The following CCSER1 variants were observed in gnomAD, a reference collection of about 807,000 sequenced individuals.
CCSER1 encodes the protein serine-rich coiled-coil domain-containing protein 1.
CCSER1 carries 41 observed loss-of-function variants against 82.0 expected under a neutral mutation model. The observed-to-expected ratio is 0.50, with a 90% CI of 0.39 to 0.65. The LOEUF is 0.65. CCSER1 is among the 30% of genes least tolerant of loss of function. CCSER1 has a pLI of 0.00. For synonymous variants in CCSER1, 414 were observed against 383.9 expected (o/e 1.08, Z -0.92); for missense variants, 1,119 against 1,064.2 (o/e 1.05, Z -0.72).
chr4:91,259,365 A>G (rs749786661), intron 10 of CCSER1, among the ~76,000 whole-genome samples: 35 of 152,244 alleles, frequency 2.3e-4, no homozygotes, highest in Non-Finnish European at 1.0e-4. Context: ...TCTGACATTC[A>G]TTTTCCTTAT....
rs1158281369 is a variant in CCSER1, at chr4:90,932,994, A to G, written c.2172+9547A>G. Among the ~76,000 whole-genome samples the G allele has an allele frequency of 5.7e-3, 343 of 60,374 alleles. 70 individuals carry two copies. The highest frequency in any genetic ancestry group is 7.4e-3 in the Non-Finnish European group (249 of 33,672). The allele number at this position is 60,374 out of a possible 152,430, so 39.6% of individuals were successfully genotyped here. On this transcript the variant is annotated intron_variant, in intron 9 of 10. Transcript: ENST00000509176. ...AGAAAGAAAGAAAGAGAAAGAAAGA[A>G]AGAAAGAAAGAAAGAAAGAAAGAAA...
intron 1 of CCSER1, among the ~76,000 whole-genome samples, chr4:90,198,846 A>T (rs764670647): frequency 6.6e-6 from 1 of 152,180 alleles, no homozygotes; most frequent in African/African-American, 2.4e-5. Flanking sequence ...TAGGATAGTT[A>T]TGCTAATATA....
intron 10 of CCSER1, among the ~76,000 whole-genome samples, chr4:91,574,186 A>C (rs1171723434): frequency 6.6e-6 from 1 of 152,150 alleles, no homozygotes; most frequent in African/African-American, 2.4e-5. Context: ...TAAGGTACTG[A>C]AGAACTAAAA....
intron 6 of CCSER1, among the ~76,000 whole-genome samples, chr4:90,690,759 T>C (rs1245091085): frequency 6.6e-6 from 1 of 152,202 alleles, no homozygotes; most frequent in African/African-American, 2.4e-5. Flanking sequence ...TGTCTCTCTT[T>C]AAGTTAGTAT....
chr4:90,881,458 C>G (rs1721305866), intron 8 of CCSER1, among the ~76,000 whole-genome samples: 1 of 152,062 alleles, frequency 6.6e-6, no homozygotes, highest in South Asian at 2.1e-4. Flanking sequence ...TATGATTATC[C>G]TCAATTTAAA....
intron 7 of CCSER1, among the ~76,000 whole-genome samples, chr4:90,739,370 C>T (rs1746167334): frequency 6.6e-6 from 1 of 152,176 alleles, no homozygotes; most frequent in Non-Finnish European, 1.5e-5. Flanking sequence ...TACTTTCCCC[C>T]TCCTCTCCTT....
At chr4:91,369,425 C>T (rs1017515272) in intron 10 of CCSER1, among the ~76,000 whole-genome samples, 1 of 152,104 alleles carries the variant, frequency 6.6e-6, no homozygotes, top group Non-Finnish European at 1.5e-5. Context: ...CTCATTTTTG[C>T]AATTTGCAGG....
At chr4:91,553,986 G>A (rs1465011625) in intron 10 of CCSER1, among the ~76,000 whole-genome samples, 2 of 149,884 alleles carry the variant, frequency 1.3e-5, no homozygotes, top group East Asian at 3.9e-4. Flanking sequence ...TTGTTTACTT[G>A]AGATCTTGCT....
intron 9 of CCSER1, among the ~76,000 whole-genome samples, chr4:90,949,824 T>C (rs1407616185): frequency 6.6e-6 from 1 of 152,050 alleles, no homozygotes; most frequent in African/African-American, 2.4e-5. Flanking sequence ...ATATAGAGCA[T>C]TTATATCTCA....
chr4:91,149,478 T>C (rs1178382768), intron 10 of CCSER1, among the ~76,000 whole-genome samples: 1 of 152,234 alleles, frequency 6.6e-6, no homozygotes, highest in African/African-American at 2.4e-5. Context: ...AGCTCTTTAG[T>C]ATAATTAGAT....
At chr4:90,432,128 A>C (rs995421308) in intron 4 of CCSER1, among the ~76,000 whole-genome samples, 3 of 152,166 alleles carry the variant, frequency 2.0e-5, no homozygotes, top group Non-Finnish European at 4.4e-5. Flanking sequence ...AATAAATAAA[A>C]TTTGAGTTAT....
At chr4:91,053,424 T>C (rs1743174989) in intron 9 of CCSER1, among the ~76,000 whole-genome samples, 1 of 152,306 alleles carries the variant, frequency 6.6e-6, no homozygotes, top group African/African-American at 2.4e-5. Flanking sequence ...AATACAGATA[T>C]TCCTTAAACC....
chr4:90,994,132 G>A (rs1425507563), intron 9 of CCSER1, among the ~76,000 whole-genome samples: 3 of 152,086 alleles, frequency 2.0e-5, no homozygotes, highest in Middle Eastern at 3.4e-3. Context: ...CCAGGAGTTC[G>A]AGGCTGTAGT....
intron 6 of CCSER1, among the ~76,000 whole-genome samples, chr4:90,673,337 T>A (rs1477853153): frequency 6.6e-6 from 1 of 151,978 alleles, no homozygotes; most frequent in Non-Finnish European, 1.5e-5. Flanking sequence ...AACTTAAACT[T>A]TTAAGTGTCC....
At chr4:90,554,047 A>T (rs1194099172) in intron 5 of CCSER1, among the ~76,000 whole-genome samples, 1 of 152,172 alleles carries the variant, frequency 6.6e-6, no homozygotes, top group African/African-American at 2.4e-5. Flanking sequence ...AAAAGCAGAA[A>T]ATTGGAGAGA....
At chr4:90,735,768 C>A (rs1745534797) in intron 7 of CCSER1, among the ~76,000 whole-genome samples, 1 of 151,682 alleles carries the variant, frequency 6.6e-6, no homozygotes, top group South Asian at 2.1e-4. Context: ...TTTGATTGTT[C>A]TTTTCTAGTT....
chr4:91,030,503 G>C (rs556956564), intron 9 of CCSER1, among the ~76,000 whole-genome samples: 1 of 152,058 alleles, frequency 6.6e-6, no homozygotes, highest in Non-Finnish European at 1.5e-5. Flanking sequence ...AGCTGATGCC[G>C]GCCTGGAGGA....
chr4:90,482,433 T>C (rs944300989), intron 5 of CCSER1, among the ~76,000 whole-genome samples: 4 of 152,184 alleles, frequency 2.6e-5, no homozygotes, highest in African/African-American at 9.7e-5. Context: ...GTGTTTGCTC[T>C]TGCTTCTCTA....
intron 10 of CCSER1, among the ~76,000 whole-genome samples, chr4:91,558,029 TTTTA>T (rs1161127003): frequency 6.6e-6 from 1 of 151,028 alleles, no homozygotes; most frequent in African/African-American, 2.4e-5. Flanking sequence ...TTCTTAAACA[TTTTA>T]TTTAATGTAT....
Sources: gnomAD v4.1 joint callset for allele counts (sites outside exome capture counted in the v4.1 genomes callset) on GRCh38, gnomAD v4.1.1 for gene constraint, MANE v1.5 for transcripts, NCBI Gene and HGNC (gene_info 2026-07-23, HGNC 2026-07-21) for gene names.